Variants in NOS1 observed in about 807,000 individuals in gnomAD.
The protein encoded by NOS1 is NOS type I.
Under a neutral mutation model 164.5 loss-of-function variants are expected in NOS1, and 51 were observed. That is an observed-to-expected ratio of 0.31 (90% confidence interval 0.25 to 0.39). The LOEUF (loss-of-function observed/expected upper bound fraction) is 0.39. NOS1 is among the 10% of genes least tolerant of loss of function. The pLI, the probability that NOS1 is intolerant of heterozygous loss-of-function variation, is 1.00. For missense variants in NOS1, 1,362 were observed against 1,885.6 expected, an observed-to-expected ratio of 0.72 and a Z score of 5.14; for synonymous variants, 719 against 745.8, an observed-to-expected ratio of 0.96 and a Z score of 0.59.
chr12:117,212,391 C>G lies in NOS1; in HGVS notation c.*2918G>C. 5.1e-6 allele frequency: 5 copies of G among 985,270 alleles called. No homozygotes were observed. The highest frequency in any genetic ancestry group is 6.0e-6 in the Non-Finnish European group (5 of 829,910). 61.0% of individuals were successfully genotyped at this position (985,270 alleles called of 1,614,324 possible). On this transcript the variant is annotated 3_prime_UTR_variant, in exon 29 of 29. Coordinates refer to ENST00000317775, the MANE Select transcript of NOS1 (RefSeq NM_000620.5). ...TCCATATTGATGGGTCTGAAGTGTC[C>G]CCCCGCAAAAGAAAGACACCTGGCT... is the stretch of plus-strand genomic sequence containing the variant.
intron 1 of NOS1, among the ~76,000 whole-genome samples, chr12:117,350,353 A>T (rs1876560003): frequency 6.6e-6 from 1 of 152,120 alleles, no homozygotes; most frequent in African/African-American, 2.4e-5. Context: ...TTACCTGTTG[A>T]CTGCACACCA....
intron 16 of NOS1, 89 bp from the exon 17 acceptor site, chr12:117,253,843 T>C (rs1871261844): frequency 2.4e-6 from 2 of 829,054 alleles, no homozygotes; most frequent in Non-Finnish European, 2.1e-6. Context: ...TGACCAGTCC[T>C]GATTCTAGGG....
Position 117,288,198 on chromosome 12 carries a change from T to C in NOS1, c.1003A>G (p.Ile335Val), listed in dbSNP as rs1872832065. Residue 335 changes from isoleucine to valine, a missense_variant, in exon 5 of 29, where the codon ATC becomes GTC. Coordinates refer to ENST00000317775, the MANE Select transcript of NOS1 (RefSeq NM_000620.5). ...GGATGCATGATGGAGCCCATGCAGA[T>C]GTACTCAGTGCATCCCGTTTCCTGG... Reference protein sequence around the residue: ...STLETGCTEYICMGSIMHPSQ... With the variant: ...STLETGCTEYVCMGSIMHPSQ... 1.2e-6 allele frequency: 2 copies of C among 1,613,628 alleles called. No homozygotes were observed. The highest frequency in any genetic ancestry group is 1.3e-5 in the African/African-American group (1 of 75,036).
rs9658475 is a variant in NOS1, at chr12:117,243,648, G to A, written c.2824-213C>T. ...CTTCCTTTCTTCCCTCTACCCTTTC[G>A]TTGTCTTCCTTCCATCCATTCACCC... On this transcript the variant is annotated intron_variant, in intron 18 of 28. Transcript: ENST00000317775. The surrounding 1 kb of genome is among the most constrained non-coding windows in gnomAD (Gnocchi z 4.3). Among the ~76,000 whole-genome samples the A allele has an allele frequency of 2.3e-3, 313 of 136,100 alleles. 4 individuals carry two copies. Among genetic ancestry groups the A allele is most frequent in the Middle Eastern group, 0.011 (2 of 190 alleles). The allele number at this position is 136,100 out of a possible 152,430, so 89.3% of individuals were successfully genotyped here.
chr12:117,275,441 A>G (rs965428135), intron 9 of NOS1, among the ~76,000 whole-genome samples: 7 of 151,444 alleles, frequency 4.6e-5, no homozygotes, highest in African/African-American at 1.7e-4. Context: ...GGTAGAAGCT[A>G]CAAAAAAAGT....
chr12:117,224,867 T>C (rs533025343), intron 25 of NOS1, 149 bp downstream of exon 25: 2 of 964,816 alleles, frequency 2.1e-6, no homozygotes, highest in South Asian at 1.5e-5. Flanking sequence ...ACTTCACCTG[T>C]AGGTCAGGCT....
chr12:117,267,768 T>C (rs1872528040), intron 11 of NOS1, among the ~76,000 whole-genome samples: 1 of 152,142 alleles, frequency 6.6e-6, no homozygotes, highest in Non-Finnish European at 1.5e-5. Flanking sequence ...ACAGAGAGGA[T>C]GCCTCTTGTT....
rs139368187 is a variant in NOS1 at position 117,214,382 on chromosome 12, AC to A, written c.*926del. 2.2e-3 allele frequency: 2,163 copies of A among 985,378 alleles called. 41 individuals carry two copies. In the African/African-American group the frequency reaches 0.035, roughly 16 times the overall value. The allele number at this position is 985,378 out of a possible 1,614,324, so 61.0% of individuals were successfully genotyped here. ...CCTTATTGCCACCAGGCTTCTTTGAACAACATAACTTCCAGGCCCCTTGGAT... is the reference window on the plus strand; with the variant it reads ...CCTTATTGCCACCAGGCTTCTTTGAAAACATAACTTCCAGGCCCCTTGGAT... On this transcript the variant is annotated 3_prime_UTR_variant, in exon 29 of 29. Transcript: ENST00000317775.
rs7299154 is a variant in NOS1 at position 117,309,590 on chromosome 12, T to C, written c.852+1876A>G. Among the ~76,000 whole-genome samples the C allele has an allele frequency of 4.6e-5, 7 of 152,098 alleles. No individual in the cohort carries two copies. The East Asian group carries it at 5.8e-4, about 13-fold the overall frequency. On this transcript the variant is annotated intron_variant, in intron 3 of 28. Coordinates refer to ENST00000317775, the MANE Select transcript of NOS1 (RefSeq NM_000620.5). ...CTTCACTGCAATGCAGAGGATGGGT[T>C]TGAAATTCACACGATTCCCTAGGGT... is the stretch of plus-strand genomic sequence containing the variant.
At position 117,299,363 on chromosome 12, in the gene NOS1, G is replaced by A. The variant is rs544709797; in HGVS notation, c.853-8937C>T. On this transcript the variant is annotated intron_variant, in intron 3 of 28. Coordinates refer to ENST00000317775, the MANE Select transcript of NOS1 (RefSeq NM_000620.5). ...ATAGAAACTTGACATTGCTGGCCGG[G>A]CGCGGTGGCTCACGCCTGTAATCCC... Among the ~76,000 whole-genome samples the A allele has an allele frequency of 4.8e-3, 732 of 152,282 alleles. 6 individuals are homozygous for A. The highest frequency in any genetic ancestry group is 8.0e-3 in the Non-Finnish European group (545 of 68,022).
At chr12:117,305,868 T>C (rs1450201286) in intron 3 of NOS1, among the ~76,000 whole-genome samples, 1 of 151,316 alleles carries the variant, frequency 6.6e-6, no homozygotes, top group Non-Finnish European at 1.5e-5. Context: ...CTCGGCTCAC[T>C]GAAACCTCCA....
intron 13 of NOS1, 41 bp downstream of exon 13, chr12:117,263,848 G>A: frequency 6.8e-7 from 1 of 1,474,352 alleles, no homozygotes; most frequent in African/African-American, 1.4e-5. Context: ...CTCTGAGTTT[G>A]TGGGGACATC....
intron 2 of NOS1, 148 bp from the exon 3 acceptor site, chr12:117,311,740 G>T: frequency 1.3e-6 from 1 of 786,494 alleles, no homozygotes; most frequent in Non-Finnish European, 1.9e-6. Context: ...TACCCATCCT[G>T]CTGCTTCATA....
chr12:117,297,882 C>A (rs950911143), intron 3 of NOS1, among the ~76,000 whole-genome samples: 1 of 152,076 alleles, frequency 6.6e-6, no homozygotes, highest in Non-Finnish European at 1.5e-5. Flanking sequence ...GAAACCAGGA[C>A]TGACAACTAC....
At chr12:117,250,236 C>A (rs1870983690) in intron 17 of NOS1, among the ~76,000 whole-genome samples, 1 of 152,036 alleles carries the variant, frequency 6.6e-6, no homozygotes, top group African/African-American at 2.4e-5. Flanking sequence ...TGTAACATTT[C>A]ATCTTCCTCT....
Position 117,259,095 on chromosome 12 carries a change from C to A in NOS1, c.2403G>T (p.Leu801=). 1 of 1,614,100 alleles carries A rather than the reference C, an allele frequency of 6.2e-7. No individual in the cohort carries two copies. The highest frequency in any genetic ancestry group is 1.1e-5 in the South Asian group (1 of 91,056). The change falls in exon 15 of 29, where the codon CTG becomes CTT. Residue 801 remains leucine, a synonymous_variant. Coordinates refer to ENST00000317775, the MANE Select transcript of NOS1 (RefSeq NM_000620.5). ...MSMEEYDIVH[L]EHETLVLVVT... The stretch of plus-strand genomic sequence containing the variant: ...CCACAAGGACCAGAGTTTCATGTTC[C>A]AGGTGCACAATGTCATATTCTTCCA...
intron 3 of NOS1, among the ~76,000 whole-genome samples, chr12:117,306,424 G>T (rs1223583195): frequency 6.6e-6 from 1 of 152,080 alleles, no homozygotes; most frequent in East Asian, 1.9e-4. Flanking sequence ...TTTGTAGGGA[G>T]AATGGCCCAA....
At chr12:117,286,051 T>A in intron 6 of NOS1, 53 bp downstream of exon 6, 1 of 1,597,212 alleles carries the variant, frequency 6.3e-7, no homozygotes, top group Non-Finnish European at 8.6e-7. Context: ...CCACTCCCCT[T>A]CCCCTCTTCC....
chr12:117,313,829 C>T (rs1199544103), intron 2 of NOS1, among the ~76,000 whole-genome samples: 1 of 152,226 alleles, frequency 6.6e-6, no homozygotes, highest in Non-Finnish European at 1.5e-5. Context: ...TTTGGCTCCC[C>T]TATCCAATTT....
Sources: allele counts gnomAD v4.1 joint callset (sites outside exome capture counted in the v4.1 genomes callset), GRCh38; gene constraint gnomAD v4.1.1; non-coding constraint Gnocchi (gnomAD v3.1); transcripts MANE v1.5; gene names NCBI Gene and HGNC (gene_info 2026-07-23, HGNC 2026-07-21).